Variants in MXRA7 observed in about 807,000 individuals in gnomAD.
MXRA7 encodes the protein matrix-remodeling-associated protein 7.
In MXRA7, 18 loss-of-function variants were observed where a neutral mutation model predicts 17.4. That is an observed-to-expected ratio of 1.03 (90% CI 0.71 to 1.53). The LOEUF is 1.53. Ranked by LOEUF, MXRA7 falls within the 40% of genes most tolerant of loss-of-function variation. The pLI is 0.00. For synonymous variants in MXRA7, 70 were observed against 101.7 expected, an observed-to-expected ratio of 0.69 and a Z score of 1.87; for missense variants, 141 against 209.3, an observed-to-expected ratio of 0.67 and a Z score of 2.01.
chr17:76,710,607 G>T lies in MXRA7; in HGVS notation c.340C>A (p.Gln114Lys). 7.3e-7 allele frequency: 1 copy of T among 1,377,972 alleles called. No individual in the cohort carries two copies. The highest frequency in any genetic ancestry group is 1.5e-5 in the South Asian group (1 of 65,420). The allele number at this position is 1,377,972 out of a possible 1,614,324, so 85.4% of individuals were successfully genotyped here. Residue 114 changes from glutamine to lysine, a missense_variant and splice_region_variant, in exon 1 of 4, where the codon CAG becomes AAG. This residue lies in a region of MXRA7 where 67 missense variants were observed against 80.3 expected (regional missense o/e 0.83). Coordinates refer to ENST00000449428, the MANE Select transcript of MXRA7 (RefSeq NM_198530.4). ...GCCGCGAGGGCCCCGGTGCGTACCTGCCTCGCCTCCACCGCCTGCTCCTCC... is the reference window on the plus strand; with the variant it reads ...GCCGCGAGGGCCCCGGTGCGTACCTTCCTCGCCTCCACCGCCTGCTCCTCC... Reference protein sequence around the residue: ...EAEEQAVEARQEEEQDLDGEK... With the variant: ...EAEEQAVEARKEEEQDLDGEK...
intron 1 of MXRA7, among the ~76,000 whole-genome samples, chr17:76,700,373 T>A (rs551302102): frequency 1.2e-4 from 19 of 152,298 alleles, no homozygotes; most frequent in African/African-American, 4.1e-4. Flanking sequence ...ACTGCTGGTA[T>A]CCCGTCTCTG....
Position 76,686,682 on chromosome 17 carries a change from C to T in MXRA7, c.406+1431G>A, listed in dbSNP as rs573000548. Among the ~76,000 whole-genome samples, 8 of 152,272 alleles carry T rather than the reference C, an allele frequency of 5.3e-5. No homozygotes were observed. In the East Asian group the frequency reaches 5.8e-4, roughly 11 times the overall value. On this transcript the variant is annotated intron_variant, in intron 2 of 3. Transcript: ENST00000449428. ...GACCAGAATTCAACGTGACAGCCTCCGAGGGACGGGGGAGGTTTCTTCCTC... is the reference window on the plus strand; with the variant it reads ...GACCAGAATTCAACGTGACAGCCTCTGAGGGACGGGGGAGGTTTCTTCCTC...
intron 1 of MXRA7, among the ~76,000 whole-genome samples, chr17:76,696,137 G>C (rs1183670490): frequency 1.3e-5 from 2 of 152,110 alleles, no homozygotes; most frequent in African/African-American, 4.8e-5. Context: ...CAGAAATGCA[G>C]GGTCTGCAAC....
chr17:76,693,254 G>T (rs2076496008), intron 1 of MXRA7, among the ~76,000 whole-genome samples: 1 of 151,996 alleles, frequency 6.6e-6, no homozygotes, highest in Non-Finnish European at 1.5e-5. Context: ...TGGATCACGA[G>T]GTCATTAGTT....
rs748173220 is a variant in MXRA7 at position 76,687,804 on chromosome 17, C to T, written c.406+309G>A. Among the ~76,000 whole-genome samples, 13 of 152,312 alleles carry T rather than the reference C, an allele frequency of 8.5e-5. 1 individual carries two copies. The South Asian group carries it at 1.7e-3, about 19-fold the overall frequency. The stretch of plus-strand genomic sequence containing the variant: ...TTGGAGAGAATCGTGAAATGTACAG[C>T]GCGGTCACAAAAGGGGAGTTAGGAG... On this transcript the variant is annotated intron_variant, in intron 2 of 3. Coordinates refer to ENST00000449428, the MANE Select transcript of MXRA7 (RefSeq NM_198530.4).
Position 76,708,222 on chromosome 17 carries a change from G to C in MXRA7, c.342+2383C>G, listed in dbSNP as rs189853973. On this transcript the variant is annotated intron_variant, in intron 1 of 3. Coordinates refer to ENST00000449428, the MANE Select transcript of MXRA7 (RefSeq NM_198530.4). The stretch of plus-strand genomic sequence containing the variant: ...TTCTCAATAATCAGCTTTGTAGTCA[G>C]AGGCAGCAGCTGCCCCAGCCCGCCC... 2.8e-4 allele frequency among the ~76,000 whole-genome samples: 43 copies of C among 152,368 alleles called. No homozygotes were observed. The East Asian group carries it at 7.1e-3, about 25-fold the overall frequency.
Position 76,680,328 on chromosome 17 carries a change from C to G in MXRA7, c.*539G>C. On this transcript the variant is annotated 3_prime_UTR_variant, in exon 4 of 4. Transcript: ENST00000449428. ...CTGTAATCAATATGGCATCTCACCC[C>G]CGACAACCAAGCCAGCCACAGAGAG... The G allele has an allele frequency of 1.0e-6, 1 of 985,420 alleles. No individual in the cohort carries two copies. The highest frequency in any genetic ancestry group is 1.7e-5 in the African/African-American group (1 of 57,304). The allele number at this position is 985,420 out of a possible 1,614,324, so 61.0% of individuals were successfully genotyped here.
chr17:76,684,680 A>G lies in MXRA7; in HGVS notation c.500+392T>C, dbSNP rs779732344. The stretch of plus-strand genomic sequence containing the variant: ...CCAAGAATCCGCTGTGTCCCGAAGG[A>G]GAAATGGAGAAATCAGCTCTGTTGG... On this transcript the variant is annotated intron_variant, in intron 3 of 3. Transcript: ENST00000449428. 5.2e-5 allele frequency: 23 copies of G among 445,934 alleles called. No individual in the cohort carries two copies. The Middle Eastern group carries it at 1.6e-3, about 32-fold the overall frequency. The allele number at this position is 445,934 out of a possible 1,614,324, so 27.6% of individuals were successfully genotyped here. A position where few individuals can be genotyped will look rare whatever the true frequency, so the allele number is the denominator to read the frequency against.
At chr17:76,674,170 G>T (rs773356035) in exon 4 of MXRA7, 3 of 152,084 alleles carry the variant, frequency 2.0e-5, no homozygotes, top group Non-Finnish European at 4.4e-5. Context: ...GCTTCTGTAG[G>T]CCTCTGTGGC....
downstream of MXRA7, among the ~76,000 whole-genome samples, chr17:76,678,447 C>T (rs1026090745): frequency 3.3e-5 from 5 of 151,838 alleles, no homozygotes; most frequent in African/African-American, 9.7e-5. Context: ...GCAGCACAAA[C>T]ACCTCAGGTG....
downstream of MXRA7, chr17:76,677,802 T>C: frequency 1.3e-6 from 1 of 766,558 alleles, no homozygotes; most frequent in South Asian, 1.5e-5. Context: ...CTCCTCTCTC[T>C]TGTGTGACTG....
In MXRA7 at chr17:76,699,133, C is replaced by T. The variant is rs181055235; in HGVS notation, c.343-10957G>A. Reference sequence around the variant, plus strand: ...ATTCAATGCCTTCAGGTGGCACCTACATCTGCTCTCCTCCAATTCATCCTT... The same window carrying T: ...ATTCAATGCCTTCAGGTGGCACCTATATCTGCTCTCCTCCAATTCATCCTT... On this transcript the variant is annotated intron_variant, in intron 1 of 3. Transcript: ENST00000449428. 5.3e-5 allele frequency among the ~76,000 whole-genome samples: 8 copies of T among 152,258 alleles called. No homozygotes were observed. The East Asian group carries it at 7.7e-4, about 15-fold the overall frequency.
chr17:76,698,061 C>T (rs1598354891), intron 1 of MXRA7, among the ~76,000 whole-genome samples: 1 of 152,136 alleles, frequency 6.6e-6, no homozygotes, highest in Non-Finnish European at 1.5e-5. Context: ...CTCTTGTGGC[C>T]CTGTGGCCAC....
At chr17:76,688,940 G>A (rs1250613730) in intron 1 of MXRA7, 4 of 256,862 alleles carry the variant, frequency 1.6e-5, no homozygotes, top group East Asian at 6.9e-5. Flanking sequence ...CCCAGCCAGC[G>A]TCGGCCGCTC....
intron 2 of MXRA7, among the ~76,000 whole-genome samples, chr17:76,687,740 G>C (rs1201295668): frequency 6.6e-6 from 1 of 152,268 alleles, no homozygotes; most frequent in Non-Finnish European, 1.5e-5. Flanking sequence ...GGGAGGCCGT[G>C]TGAGTGGTTT....
chr17:76,700,916 G>C (rs1225357435), intron 1 of MXRA7, among the ~76,000 whole-genome samples: 1 of 152,152 alleles, frequency 6.6e-6, no homozygotes, highest in African/African-American at 2.4e-5. Context: ...GCTCAGGCAG[G>C]GAGGGGTGTG....
chr17:76,691,797 C>T (rs963217788), intron 1 of MXRA7, among the ~76,000 whole-genome samples: 9 of 152,114 alleles, frequency 5.9e-5, no homozygotes, highest in Admixed American at 3.3e-4. Context: ...GGCACGGCCC[C>T]GGAACTAAGC....
chr17:76,700,088 T>A (rs181136176), intron 1 of MXRA7, among the ~76,000 whole-genome samples: 1 of 152,272 alleles, frequency 6.6e-6, no homozygotes, highest in Non-Finnish European at 1.5e-5. Flanking sequence ...GCCTCCCAAG[T>A]AGCTGATTAG....
At chr17:76,690,581 G>A (rs1053995673) in intron 1 of MXRA7, among the ~76,000 whole-genome samples, 13 of 151,694 alleles carry the variant, frequency 8.6e-5, no homozygotes, top group African/African-American at 2.9e-4. Context: ...ATGGTGGCAC[G>A]CACCTGTGAT....
Sources: gnomAD v4.1 joint callset for allele counts (sites outside exome capture counted in the v4.1 genomes callset) on GRCh38, gnomAD v4.1.1 for gene constraint, gnomAD v4.1.1 regional missense constraint, MANE v1.5 for transcripts, NCBI Gene and HGNC (gene_info 2026-07-23, HGNC 2026-07-21) for gene names.